Variants in ORC3 observed in about 807,000 individuals in gnomAD.
The protein encoded by ORC3 is homolog of latheo, Drosophila.
ORC3 carries 78 observed loss-of-function variants against 100.7 expected under a neutral mutation model. The ratio of observed to expected loss-of-function variants is 0.77; its 90% CI spans 0.65 to 0.94. The LOEUF is 0.94. Among genes scored for constraint, ORC3 ranks in the 40% least tolerant of loss-of-function variants. The pLI, the probability that ORC3 is intolerant of heterozygous loss-of-function variation, is 0.00. For synonymous variants in ORC3, 295 were observed against 289.3 expected, an observed-to-expected ratio of 1.02 and a Z score of -0.20; for missense variants, 789 against 823.9, an observed-to-expected ratio of 0.96 and a Z score of 0.52.
At chr6:87,610,702 C>T (rs1450580161) in intron 7 of ORC3, among the ~76,000 whole-genome samples, 1 of 146,188 alleles carries the variant, frequency 6.8e-6, no homozygotes, top group Admixed American at 6.8e-5. Context: ...TACAGGCGCC[C>T]GCCACCGCGC....
chr6:87,649,552 A>C (rs895783391), intron 13 of ORC3, among the ~76,000 whole-genome samples: 1 of 152,234 alleles, frequency 6.6e-6, no homozygotes, highest in African/African-American at 2.4e-5. Flanking sequence ...GTTCGAGACC[A>C]GCCTGACCAG....
chr6:87,654,578 C>T (rs1255780638), intron 14 of ORC3, among the ~76,000 whole-genome samples: 3 of 152,242 alleles, frequency 2.0e-5, no homozygotes, highest in African/African-American at 7.2e-5. Context: ...GAGCCCATCT[C>T]TCTTAACCAC....
At chr6:87,619,567 T>G (rs967315330) in intron 9 of ORC3, among the ~76,000 whole-genome samples, 26 of 152,130 alleles carry the variant, frequency 1.7e-4, no homozygotes, top group African/African-American at 6.0e-4. Context: ...CCACCACGCC[T>G]GGCTAATTTT....
intron 13 of ORC3, among the ~76,000 whole-genome samples, chr6:87,644,659 G>A (rs1325133773): frequency 6.6e-6 from 1 of 151,902 alleles, no homozygotes; most frequent in African/African-American, 2.4e-5. Context: ...AGCCAGCCTG[G>A]CTAACATGGC....
chr6:87,665,672 A>C, intron 18 of ORC3, 82 bp from the exon 19 acceptor site: 1 of 760,558 alleles, frequency 1.3e-6, no homozygotes, highest in Non-Finnish European at 2.3e-6. Context: ...GCCAGCTATC[A>C]ACAGCCATTA....
intron 13 of ORC3, among the ~76,000 whole-genome samples, chr6:87,642,364 G>A (rs1487635140): frequency 6.6e-6 from 1 of 152,030 alleles, no homozygotes. Context: ...GCTGAGGTGG[G>A]TGGATCACCT....
intron 10 of ORC3, 143 bp from the exon 11 acceptor site, chr6:87,621,807 T>C (rs1779552323): frequency 3.2e-6 from 2 of 619,940 alleles, no homozygotes; most frequent in Admixed American, 3.1e-5. Context: ...CATTAAACCA[T>C]AAATGTCATA....
intron 7 of ORC3, among the ~76,000 whole-genome samples, chr6:87,611,289 T>A (rs538881388): frequency 6.6e-6 from 1 of 152,096 alleles, no homozygotes; most frequent in East Asian, 1.9e-4. Context: ...CCTAGGACTT[T>A]TCTTAATGCT....
rs140838605 is a variant in ORC3 at position 87,608,996 on chromosome 6, T to C, written c.580-100T>C. The C allele has an allele frequency of 1.8e-3, 1,698 of 932,642 alleles. 11 individuals are homozygous for C. In the African/African-American group the frequency reaches 0.019, roughly 10 times the overall value. 57.8% of individuals were successfully genotyped at this position (932,642 alleles called of 1,614,324 possible). A position where few individuals can be genotyped will look rare whatever the true frequency, so the allele number is the denominator to read the frequency against. ...GGTAGAAAAAAAATAAACAGTGTTA[T>C]TGTGAAATTTAAAGAGAGATATGTC... On this transcript the variant is annotated intron_variant, in intron 6 of 19. Coordinates refer to ENST00000392844, the MANE Select transcript of ORC3 (RefSeq NM_012381.4).
At chr6:87,651,367 T>C (rs1769253745) in intron 13 of ORC3, 1 of 452,048 alleles carries the variant, frequency 2.2e-6, no homozygotes, top group Non-Finnish European at 4.5e-6. Context: ...GAAATGCTAA[T>C]CTTGTCTATT....
chr6:87,601,163 A>G (rs1399076606), intron 2 of ORC3, among the ~76,000 whole-genome samples: 4 of 152,220 alleles, frequency 2.6e-5, no homozygotes, highest in Admixed American at 2.6e-4. Context: ...ATAACAGCAA[A>G]TAATGAAAAC....
chr6:87,627,423 G>A lies in ORC3; in HGVS notation c.1185+5410G>A, dbSNP rs541229667. The stretch of plus-strand genomic sequence containing the variant: ...CCATTCTCCTGCCTCAGCCTCCCTC[G>A]TAGCTGGGATTAGAGGCATGGGTCA... On this transcript the variant is annotated intron_variant, in intron 11 of 19. Coordinates refer to ENST00000392844, the MANE Select transcript of ORC3 (RefSeq NM_012381.4). Among the ~76,000 whole-genome samples the A allele has an allele frequency of 1.5e-4, 22 of 148,322 alleles. No homozygotes were observed. The East Asian group carries it at 2.0e-3, about 13-fold the overall frequency.
chr6:87,612,012 G>T (rs927104518), intron 7 of ORC3, 77 bp from the exon 8 acceptor site: 1 of 1,337,166 alleles, frequency 7.5e-7, no homozygotes. Flanking sequence ...AATAAAGTTT[G>T]TCTTATGTTG....
In ORC3 at chr6:87,603,482, C is replaced by T. The variant is rs74364970; in HGVS notation, c.276C>T (p.Gly92=). The T allele has an allele frequency of 6.6e-6, 10 of 1,526,686 alleles. No homozygotes were observed. The South Asian group carries it at 9.0e-5, about 14-fold the overall frequency. The allele number at this position is 1,526,686 out of a possible 1,614,324, so 94.6% of individuals were successfully genotyped here. The part of the protein sequence containing the change: ...SGFQKNSRDL[G]GQIKLREIPT... ...TCCAGAAGAATTCAAGAGACTTGGG[C>T]GGTCAAATAAAACTCAGAGAAATTC... is the stretch of plus-strand genomic sequence containing the variant. Residue 92 remains glycine (G), a synonymous_variant, in exon 4 of 20, where the codon GGC becomes GGT. Coordinates refer to ENST00000392844, the MANE Select transcript of ORC3 (RefSeq NM_012381.4).
chr6:87,667,151 C>A lies in ORC3; in HGVS notation c.*28C>A. On this transcript the variant is annotated 3_prime_UTR_variant, in exon 20 of 20. Coordinates refer to ENST00000392844, the MANE Select transcript of ORC3 (RefSeq NM_012381.4). Reference sequence around the variant, plus strand: ...AGCAAATAAGCAAAGCCAGAACTATCACATTTAGCTTAAGAGAAAAAGGTG... The same window carrying A: ...AGCAAATAAGCAAAGCCAGAACTATAACATTTAGCTTAAGAGAAAAAGGTG... 7.6e-7 allele frequency: 1 copy of A among 1,324,118 alleles called. No homozygotes were observed. Among genetic ancestry groups the A allele is most frequent in the Non-Finnish European group, 1.1e-6 (1 of 929,910 alleles). 82.0% of individuals were successfully genotyped at this position (1,324,118 alleles called of 1,614,324 possible). A position where few individuals can be genotyped will look rare whatever the true frequency, so the allele number is the denominator to read the frequency against.
At chr6:87,674,302 C>CA in the ORC3 span, among the ~76,000 whole-genome samples, 25,057 of 86,788 alleles carry the variant, frequency 0.29, 3,442 homozygotes, top group South Asian at 0.39. Context: ...AACTCTATCT[C>CA]AAAAAAAAAA....
chr6:87,636,087 G>A (rs751950645), intron 12 of ORC3, among the ~76,000 whole-genome samples: 6 of 151,540 alleles, frequency 4.0e-5, no homozygotes, highest in Non-Finnish European at 5.9e-5. Context: ...TGGGACTACA[G>A]ATGCCCGGCT....
At chr6:87,643,118 C>A (rs1048036777) in intron 13 of ORC3, among the ~76,000 whole-genome samples, 2 of 151,944 alleles carry the variant, frequency 1.3e-5, no homozygotes, top group Non-Finnish European at 2.9e-5. Context: ...TTGAGAGTCA[C>A]TGTTTTTTTG....
chr6:87,601,095 C>A (rs1777863343), intron 2 of ORC3, among the ~76,000 whole-genome samples: 1 of 152,010 alleles, frequency 6.6e-6, no homozygotes, highest in African/African-American at 2.4e-5. Flanking sequence ...AGTAGTAAGT[C>A]ATTCAATAGA....
Sources: gnomAD v4.1 joint callset for allele counts (sites outside exome capture counted in the v4.1 genomes callset) on GRCh38, gnomAD v4.1.1 for gene constraint, MANE v1.5 for transcripts, NCBI Gene and HGNC (gene_info 2026-07-23, HGNC 2026-07-21) for gene names.